Variants in TSPEAR observed in about 807,000 individuals in gnomAD.
TSPEAR encodes the protein thrombospondin-type laminin G domain and EAR repeat-containing protein.
In TSPEAR, 69 loss-of-function variants were observed where a neutral mutation model predicts 71.6. The observed-to-expected ratio is 0.96, with a 90% CI of 0.79 to 1.18. The LOEUF is 1.18. TSPEAR is among the 50% of genes most tolerant of loss of function. TSPEAR has a pLI of 0.00. For missense variants in TSPEAR, 971 were observed against 894.9 expected, an observed-to-expected ratio of 1.09 and a Z score of -1.09; for synonymous variants, 402 against 387.2, an observed-to-expected ratio of 1.04 and a Z score of -0.45.
In TSPEAR at chr21:44,533,697, A is replaced by G; in HGVS notation, c.530T>C (p.Leu177Pro). 6.2e-7 allele frequency: 1 copy of G among 1,607,802 alleles called. No individual in the cohort carries two copies. Among genetic ancestry groups the G allele is most frequent in the South Asian group, 1.1e-5 (1 of 90,934 alleles). ...GVFSLTTDCGLPVDIMADVPF... is the reference protein window; with the variant it reads ...GVFSLTTDCGPPVDIMADVPF... The stretch of plus-strand genomic sequence containing the variant: ...GGTGGGTACCTACATGTCCACCGGG[A>G]GGCCGCAGTCCGTGGTGAGGGAGAA... The change falls in exon 3 of 12, where the codon CTC becomes CCC. Residue 177 changes from leucine (L) to proline (P), a missense_variant. Physicochemically the swap from Leu to Pro is moderately conservative, Grantham distance 98 (BLOSUM62 -3). Transcript: ENST00000323084.
chr21:44,698,297 G>A (rs1447519774), intron 1 of TSPEAR, among the ~76,000 whole-genome samples: 5 of 152,172 alleles, frequency 3.3e-5, no homozygotes, highest in Non-Finnish European at 5.9e-5. Context: ...TCTCTTCTTT[G>A]AGTCATTTCT....
intron 1 of TSPEAR, chr21:44,666,577 G>C (rs782355775): frequency 1.9e-6 from 3 of 1,601,638 alleles, no homozygotes; most frequent in Non-Finnish European, 2.6e-6. Context: ...GGCACGCACA[G>C]GGAGGACTGG....
At chr21:44,561,777 A>G (rs1394200177) in intron 2 of TSPEAR, among the ~76,000 whole-genome samples, 2 of 152,236 alleles carry the variant, frequency 1.3e-5, no homozygotes, top group African/African-American at 4.8e-5. Context: ...AGAAAATTCA[A>G]CATCCCTTCA....
intron 9 of TSPEAR, chr21:44,518,272 T>A (rs1555913750): frequency 2.1e-6 from 1 of 467,590 alleles, no homozygotes; most frequent in Non-Finnish European, 4.4e-6. Context: ...TCAGGATTTT[T>A]GTCAAACATC....
chr21:44,662,188 A>G (rs1985531896), intron 1 of TSPEAR, among the ~76,000 whole-genome samples: 1 of 152,198 alleles, frequency 6.6e-6, no homozygotes, highest in Admixed American at 6.5e-5. Context: ...AAACCAAAAA[A>G]CAGAGATTTT....
At chr21:44,704,915 C>T (rs922984415) in intron 1 of TSPEAR, among the ~76,000 whole-genome samples, 27 of 152,258 alleles carry the variant, frequency 1.8e-4, no homozygotes, top group South Asian at 8.3e-4. Flanking sequence ...CCTGGCTGCC[C>T]GCCCCGCCCA....
At chr21:44,571,480 T>A (rs1344670684) in intron 1 of TSPEAR, among the ~76,000 whole-genome samples, 4 of 152,230 alleles carry the variant, frequency 2.6e-5, no homozygotes, top group African/African-American at 9.6e-5. Flanking sequence ...TTGCTCTGTC[T>A]CCTGGGAGGG....
intron 11 of TSPEAR, among the ~76,000 whole-genome samples, chr21:44,501,996 C>T (rs587631497): frequency 2.0e-4 from 30 of 152,316 alleles, no homozygotes; most frequent in Admixed American, 1.8e-3. Context: ...AATCTAATTT[C>T]CTATTATAGA....
At chr21:44,592,631 T>G in intron 1 of TSPEAR, 1 of 1,283,444 alleles carries the variant, frequency 7.8e-7, no homozygotes, top group Non-Finnish European at 1.1e-6. Flanking sequence ...GGATTAGGGG[T>G]GTTTGTTCGC....
chr21:44,654,798 C>T (rs1985038542), intron 1 of TSPEAR: 2 of 578,186 alleles, frequency 3.5e-6, no homozygotes, highest in Non-Finnish European at 6.2e-6. Flanking sequence ...GTTGAGGTTA[C>T]TCAGTTCAGG....
At chr21:44,701,981 C>T (rs1408312955) in intron 1 of TSPEAR, among the ~76,000 whole-genome samples, 1 of 152,158 alleles carries the variant, frequency 6.6e-6, no homozygotes. Flanking sequence ...TCCGTGAGAT[C>T]CACGTTCTCT....
intron 1 of TSPEAR, chr21:44,697,734 G>A (rs781858675): frequency 5.6e-6 from 9 of 1,614,098 alleles, no homozygotes; most frequent in African/African-American, 5.3e-5. Context: ...CAGCAGTCTA[G>A]CTGCCAGCCA....
chr21:44,685,254 G>A (rs189831334), intron 1 of TSPEAR, among the ~76,000 whole-genome samples: 12 of 152,212 alleles, frequency 7.9e-5, no homozygotes, highest in African/African-American at 2.6e-4. Flanking sequence ...TAGCTCTGCC[G>A]TGAGAGATGG....
At chr21:44,681,406 G>A (rs1601559972) in intron 1 of TSPEAR, among the ~76,000 whole-genome samples, 1 of 152,212 alleles carries the variant, frequency 6.6e-6, no homozygotes, top group Non-Finnish European at 1.5e-5. Flanking sequence ...CAGGAGCCCT[G>A]GGAGAGACCA....
chr21:44,500,499 C>T (rs587607046), intron 11 of TSPEAR, among the ~76,000 whole-genome samples: 1 of 152,258 alleles, frequency 6.6e-6, no homozygotes, highest in East Asian at 1.9e-4. Flanking sequence ...GGCAGGGCGC[C>T]GACATCAAAG....
At chr21:44,637,104 C>T (rs1348486858) in intron 1 of TSPEAR, among the ~76,000 whole-genome samples, 16 of 152,178 alleles carry the variant, frequency 1.1e-4, no homozygotes, top group Non-Finnish European at 2.2e-4. Flanking sequence ...ACCAGGTCAG[C>T]CCCAGAGAGG....
chr21:44,539,525 G>C, intron 2 of TSPEAR: 1 of 1,613,690 alleles, frequency 6.2e-7, no homozygotes. Context: ...CTGGCAGCAT[G>C]AAGTGGAAGC....
At chr21:44,529,751 C>T in intron 5 of TSPEAR, 47 bp downstream of exon 5, 1 of 1,607,916 alleles carries the variant, frequency 6.2e-7, no homozygotes, top group Non-Finnish European at 8.5e-7. Flanking sequence ...GAGGCCAGGG[C>T]TCTCGCATCT....
rs147588752 is a variant in TSPEAR at position 44,637,734 on chromosome 21, T to A, written c.83-69729A>T. 4.0e-4 allele frequency: 536 copies of A among 1,328,512 alleles called. 5 individuals are homozygous for A. The African/African-American group carries it at 8.3e-3, about 21-fold the overall frequency. 82.3% of individuals were successfully genotyped at this position (1,328,512 alleles called of 1,614,324 possible). ...GTCTGCTGTGTGCCCGTCTGCTGCG[T>A]GCCCGTCTGTAACAAGCCTGTGTGC... is the stretch of plus-strand genomic sequence containing the variant. On this transcript the variant is annotated intron_variant, in intron 1 of 11. Coordinates refer to ENST00000323084, the MANE Select transcript of TSPEAR (RefSeq NM_144991.3).
Sources: allele counts gnomAD v4.1 joint callset (sites outside exome capture counted in the v4.1 genomes callset), GRCh38; gene constraint gnomAD v4.1.1; transcripts MANE v1.5; gene names NCBI Gene and HGNC (gene_info 2026-07-23, HGNC 2026-07-21).